Variants in CTNNA2 observed in about 807,000 individuals in gnomAD.
The protein encoded by CTNNA2 is catenin alpha-2.
A neutral mutation model predicts 101.0 loss-of-function variants in CTNNA2; 42 were observed. That is an observed-to-expected ratio of 0.42 (90% CI 0.32 to 0.54). The LOEUF is 0.54. CTNNA2 is among the 20% of genes least tolerant of loss of function. The pLI, the probability that CTNNA2 is intolerant of heterozygous loss-of-function variation, is 0.14. For synonymous variants in CTNNA2, 450 were observed against 456.4 expected (o/e 0.99, Z 0.18); for missense variants, 871 against 1,223.1 (o/e 0.71, Z 4.29).
intron 7 of CTNNA2, among the ~76,000 whole-genome samples, chr2:80,232,321 T>TTTTGTTTG (rs71386616): frequency 1.2e-4 from 13 of 110,998 alleles, no homozygotes; most frequent in African/African-American, 4.7e-4. Flanking sequence ...AGAATTTGGG[T>TTTTGTTTG]TTTGTTTGTT....
intron 3 of CTNNA2, among the ~76,000 whole-genome samples, chr2:79,365,663 G>GC (rs1273465578): frequency 2.0e-5 from 3 of 151,256 alleles, no homozygotes; most frequent in Non-Finnish European, 4.4e-5. Flanking sequence ...AAAAAGGGAA[G>GC]TGGGGGGGAC....
At chr2:80,387,084 C>G (rs777755239) in intron 7 of CTNNA2, among the ~76,000 whole-genome samples, 47 of 152,080 alleles carry the variant, frequency 3.1e-4, no homozygotes, top group Non-Finnish European at 3.8e-4. Context: ...GTCAGGAGAT[C>G]AAGACCATCT....
At chr2:79,664,754 C>T (rs1300472597) in intron 2 of CTNNA2, among the ~76,000 whole-genome samples, 3 of 140,294 alleles carry the variant, frequency 2.1e-5, no homozygotes, top group Non-Finnish European at 3.0e-5. Context: ...CGCTGTCTCC[C>T]CGGTTGGAGT....
At chr2:80,530,744 G>C (rs970269858) in intron 9 of CTNNA2, among the ~76,000 whole-genome samples, 1 of 152,194 alleles carries the variant, frequency 6.6e-6, no homozygotes, top group Non-Finnish European at 1.5e-5. Flanking sequence ...TAAGACAGCA[G>C]ATATGGAGAA....
chr2:79,938,561 G>A (rs1204228059), intron 7 of CTNNA2, among the ~76,000 whole-genome samples: 3 of 152,280 alleles, frequency 2.0e-5, no homozygotes, highest in South Asian at 4.1e-4. Context: ...AACAGCGAGC[G>A]ATCTGTTCGC....
intron 7 of CTNNA2, among the ~76,000 whole-genome samples, chr2:79,935,096 T>TAATA (rs1558655027): frequency 2.0e-5 from 3 of 152,144 alleles, no homozygotes; most frequent in African/African-American, 7.2e-5. Context: ...CCCTAATGAA[T>TAATA]AATAACAACA....
chr2:79,812,243 T>C (rs895476035), intron 3 of CTNNA2, among the ~76,000 whole-genome samples: 3 of 152,302 alleles, frequency 2.0e-5, no homozygotes, highest in South Asian at 2.1e-4. Flanking sequence ...TCTTGACTAT[T>C]GCACTGGCTA....
intron 3 of CTNNA2, among the ~76,000 whole-genome samples, chr2:79,333,379 A>G (rs764940678): frequency 1.3e-5 from 2 of 152,196 alleles, no homozygotes; most frequent in Non-Finnish European, 2.9e-5. Context: ...AATTCAATCA[A>G]TAAAAGATGA....
chr2:80,241,223 T>C (rs1670914589), intron 7 of CTNNA2, among the ~76,000 whole-genome samples: 1 of 150,060 alleles, frequency 6.7e-6, no homozygotes, highest in African/African-American at 2.4e-5. Flanking sequence ...ATGGAGTCCT[T>C]TTTTTTTTAA....
chr2:80,526,262 C>T (rs1200807653), intron 9 of CTNNA2, among the ~76,000 whole-genome samples: 2 of 152,010 alleles, frequency 1.3e-5, no homozygotes, highest in Non-Finnish European at 1.5e-5. Flanking sequence ...TGCAGTGGTG[C>T]GATCTCAGCT....
Position 79,869,825 on chromosome 2 carries a change from G to A in CTNNA2, c.475G>A (p.Ala159Thr). The A allele has an allele frequency of 6.2e-7, 1 of 1,613,824 alleles. No homozygotes were observed. The change falls in exon 5 of 19, where the codon GCC becomes ACC. Residue 159 changes from alanine (A) to threonine (T), a missense_variant. Ala to Thr is a moderately conservative substitution (Grantham distance 58). Around this residue, in one of 5 missense-constraint regions of CTNNA2, gnomAD observed 647 missense variants for 831.5 expected, o/e 0.78. Transcript: ENST00000402739. ...LLSHLKIVEE[A>T]LEAVKNATNE... ...TTTTTCACCACTGCAGGTGGAAGAG[G>A]CCCTGGAAGCTGTCAAAAATGCTAC... is the stretch of plus-strand genomic sequence containing the variant.
intron 12 of CTNNA2, among the ~76,000 whole-genome samples, chr2:80,559,683 T>G (rs2149669608): frequency 6.6e-6 from 1 of 152,200 alleles, no homozygotes; most frequent in East Asian, 1.9e-4. Flanking sequence ...ATAAATTGGA[T>G]CTACAGCAGA....
chr2:79,527,637 T>C (rs1558700551), intron 1 of CTNNA2, among the ~76,000 whole-genome samples: 1 of 151,662 alleles, frequency 6.6e-6, no homozygotes, highest in Non-Finnish European at 1.5e-5. Flanking sequence ...AAAAAAAATT[T>C]AATAAACGTT....
intron 7 of CTNNA2, chr2:80,313,339 T>G: frequency 7.6e-7 from 1 of 1,316,638 alleles, no homozygotes; most frequent in Non-Finnish European, 9.7e-7. Flanking sequence ...ATTCTTGTTT[T>G]TGTTCATTTG....
intron 9 of CTNNA2, among the ~76,000 whole-genome samples, chr2:80,476,755 G>A (rs753168704): frequency 5.5e-4 from 84 of 152,060 alleles, no homozygotes; most frequent in Non-Finnish European, 1.0e-3. Context: ...GGGAATGAAG[G>A]GGGCATCATG....
intron 9 of CTNNA2, among the ~76,000 whole-genome samples, chr2:80,449,936 A>C (rs1442686177): frequency 1.3e-5 from 2 of 152,224 alleles, no homozygotes; most frequent in Admixed American, 1.3e-4. Flanking sequence ...TATTCTTGAC[A>C]TGATCTGTGA....
chr2:80,075,952 G>C (rs1041125203), intron 7 of CTNNA2, among the ~76,000 whole-genome samples: 18 of 151,744 alleles, frequency 1.2e-4, no homozygotes, highest in Non-Finnish European at 2.9e-5. Flanking sequence ...TGGAGACAAT[G>C]AGGAAAGGAG....
Position 79,956,843 on chromosome 2 carries a change from G to GTTTTTTTTTTC in CTNNA2, c.1056+47056_1056+47057insCTTTTTTTTTT, listed in dbSNP as rs1302247404. 1.5e-4 allele frequency among the ~76,000 whole-genome samples: 15 copies of GTTTTTTTTTTC among 98,908 alleles called. 1 individual carries two copies. The highest frequency in any genetic ancestry group is 4.7e-4 in the African/African-American group (10 of 21,352). 64.9% of individuals were successfully genotyped at this position (98,908 alleles called of 152,430 possible). On this transcript the variant is annotated intron_variant, in intron 7 of 18. Transcript: ENST00000402739. ...TTTCATTTACTATGAATACGTGTGG[G>GTTTTTTTTTTC]TTTTTTTTTTTTTTTTTTTTTTTTT... is the stretch of plus-strand genomic sequence containing the variant.
intron 2 of CTNNA2, among the ~76,000 whole-genome samples, chr2:79,282,526 C>T (rs1245288280): frequency 3.3e-5 from 5 of 151,010 alleles, no homozygotes; most frequent in Non-Finnish European, 5.9e-5. Context: ...TTTGTTCTTG[C>T]GATAGTTTAC....
Sources: allele counts gnomAD v4.1 joint callset (sites outside exome capture counted in the v4.1 genomes callset), GRCh38; gene constraint gnomAD v4.1.1; regional missense constraint gnomAD v4.1.1; transcripts MANE v1.5; gene names NCBI Gene and HGNC (gene_info 2026-07-23, HGNC 2026-07-21).